PHKB: variants seen among roughly 807,000 people sequenced by gnomAD.
The protein encoded by PHKB is phosphorylase kinase regulatory subunit beta.
A neutral mutation model predicts 152.1 loss-of-function variants in PHKB; 122 were observed. The ratio of observed to expected loss-of-function variants is 0.80; its 90% confidence interval spans 0.69 to 0.93. PHKB has a LOEUF of 0.93. Ranked by LOEUF, PHKB falls within the 40% of genes least tolerant of loss-of-function variation. The pLI is 0.00. For synonymous variants in PHKB, 436 were observed against 464.9 expected (o/e 0.94, Z 0.80); for missense variants, 1,304 against 1,328.4 (o/e 0.98, Z 0.29).
At chr16:47,608,827 A>G (rs1221485391) in intron 13 of PHKB, among the ~76,000 whole-genome samples, 1 of 152,212 alleles carries the variant, frequency 6.6e-6, no homozygotes, top group Non-Finnish European at 1.5e-5. Flanking sequence ...CTCTATCCTT[A>G]TGCTAATGCC....
chr16:47,572,319 C>T (rs921654321), intron 7 of PHKB, among the ~76,000 whole-genome samples: 2 of 152,228 alleles, frequency 1.3e-5, no homozygotes, highest in African/African-American at 4.8e-5. Context: ...GTTTGATACT[C>T]TTCCAGCTTC....
intron 4 of PHKB, among the ~76,000 whole-genome samples, chr16:47,507,637 C>T (rs1970443267): frequency 1.3e-5 from 2 of 152,184 alleles, no homozygotes; most frequent in Admixed American, 6.5e-5. Flanking sequence ...GGATTACAGG[C>T]ATGAGCCACC....
chr16:47,468,281 G>T (rs964437357), intron 1 of PHKB, among the ~76,000 whole-genome samples: 1 of 152,186 alleles, frequency 6.6e-6, no homozygotes, highest in Non-Finnish European at 1.5e-5. Context: ...CTGTCAAGCA[G>T]TGAGATGGGT....
chr16:47,637,062 C>T (rs577003104), intron 14 of PHKB, among the ~76,000 whole-genome samples: 4 of 152,276 alleles, frequency 2.6e-5, no homozygotes, highest in African/African-American at 7.2e-5. Context: ...TTACCCACTT[C>T]AGGTCTTCAG....
chr16:47,555,477 C>T (rs951134100), intron 7 of PHKB, among the ~76,000 whole-genome samples: 1 of 152,166 alleles, frequency 6.6e-6, no homozygotes, highest in African/African-American at 2.4e-5. Context: ...AAATCACTAT[C>T]TCCCAAACAA....
At chr16:47,481,301 A>G (rs1234862307) in intron 1 of PHKB, among the ~76,000 whole-genome samples, 1 of 152,170 alleles carries the variant, frequency 6.6e-6, no homozygotes, top group Non-Finnish European at 1.5e-5. Context: ...ACAGGGTCAT[A>G]TTTTATTGGC....
At position 47,699,151 on chromosome 16, in the gene PHKB, C is replaced by T. The variant is rs148597946; in HGVS notation, c.3145-78C>T. On this transcript the variant is annotated intron_variant, in intron 30 of 30. Transcript: ENST00000323584. The stretch of plus-strand genomic sequence containing the variant: ...TCTTTATGTGAATTTATTTTTCCCC[C>T]TAAGCTGACACAGATTTTACCTGTC... The T allele has an allele frequency of 2.9e-4, 389 of 1,350,696 alleles. 6 individuals are homozygous for T. In the African/African-American group the frequency reaches 4.4e-3, roughly 15 times the overall value. The allele number at this position is 1,350,696 out of a possible 1,614,324, so 83.7% of individuals were successfully genotyped here.
At chr16:47,533,152 G>GT (rs1349635962) in intron 6 of PHKB, among the ~76,000 whole-genome samples, 1 of 152,150 alleles carries the variant, frequency 6.6e-6, no homozygotes, top group Non-Finnish European at 1.5e-5. Flanking sequence ...GACATCTGCA[G>GT]TTTTTAGCAG....
At chr16:47,473,158 TC>T (rs1157372668) in intron 1 of PHKB, among the ~76,000 whole-genome samples, 3 of 146,888 alleles carry the variant, frequency 2.0e-5, no homozygotes, top group African/African-American at 7.5e-5. Context: ...AGCCTCGGTC[TC>T]CTGTGCTCAA....
intron 9 of PHKB, among the ~76,000 whole-genome samples, chr16:47,588,694 A>T (rs1971975999): frequency 6.6e-6 from 1 of 152,228 alleles, no homozygotes; most frequent in Admixed American, 6.5e-5. Flanking sequence ...GAGCCCGTTG[A>T]ATCTTGAAAA....
chr16:47,554,170 A>T (rs1201010050), intron 7 of PHKB, among the ~76,000 whole-genome samples: 1 of 152,134 alleles, frequency 6.6e-6, no homozygotes, highest in Non-Finnish European at 1.5e-5. Flanking sequence ...TTTATGTATA[A>T]GCCCCTGACT....
chr16:47,481,856 G>C (rs1182490119), intron 1 of PHKB, among the ~76,000 whole-genome samples: 1 of 152,148 alleles, frequency 6.6e-6, no homozygotes, highest in East Asian at 1.9e-4. Context: ...AGTTCTTCCT[G>C]TTTTCAAAAC....
At chr16:47,535,314 A>G (rs1364628544) in intron 6 of PHKB, among the ~76,000 whole-genome samples, 1 of 152,254 alleles carries the variant, frequency 6.6e-6, no homozygotes, top group Non-Finnish European at 1.5e-5. Context: ...TTTAACATGT[A>G]TAACAAAAAC....
intron 25 of PHKB, 127 bp downstream of exon 25, chr16:47,665,102 T>C: frequency 1.4e-6 from 1 of 703,720 alleles, no homozygotes; most frequent in Non-Finnish European, 2.6e-6. Flanking sequence ...GTAGGAAGTG[T>C]TTGTTTCACT....
chr16:47,545,739 G>A (rs1175981533), intron 6 of PHKB, among the ~76,000 whole-genome samples: 2 of 152,334 alleles, frequency 1.3e-5, no homozygotes, highest in East Asian at 3.9e-4. Context: ...ATCAAACGTA[G>A]ATTTGGTCTT....
At chr16:47,575,308 T>C (rs1971731398) in intron 7 of PHKB, among the ~76,000 whole-genome samples, 1 of 152,198 alleles carries the variant, frequency 6.6e-6, no homozygotes, top group African/African-American at 2.4e-5. Context: ...CTCGAATAAC[T>C]TAAAATAGCA....
intron 14 of PHKB, chr16:47,619,304 T>C (rs1157179643): frequency 6.6e-6 from 1 of 152,182 alleles, no homozygotes. Flanking sequence ...AGAAATAGCT[T>C]GTTCTTGAAC....
At chr16:47,670,485 A>G (rs1597166038) in intron 26 of PHKB, among the ~76,000 whole-genome samples, 1 of 151,950 alleles carries the variant, frequency 6.6e-6, no homozygotes, top group East Asian at 1.9e-4. Flanking sequence ...GTTTTGCTTT[A>G]TGTAGTTGTT....
intron 1 of PHKB, among the ~76,000 whole-genome samples, chr16:47,495,838 C>T (rs1486986399): frequency 3.9e-5 from 6 of 152,152 alleles, no homozygotes; most frequent in African/African-American, 1.4e-4. Flanking sequence ...CTCTCCGTTC[C>T]TCACTATGGA....
Sources: allele counts gnomAD v4.1 joint callset (sites outside exome capture counted in the v4.1 genomes callset), GRCh38; gene constraint gnomAD v4.1.1; transcripts MANE v1.5; gene names NCBI Gene and HGNC (gene_info 2026-07-23, HGNC 2026-07-21).